The following NPHS2 variants were observed in gnomAD, a reference collection of about 807,000 sequenced individuals.
The protein encoded by NPHS2 is NPHS2 stomatin family member, podocin.
NPHS2 carries 36 observed loss-of-function variants against 37.1 expected under a neutral mutation model. The observed-to-expected ratio is 0.97, with a 90% CI of 0.74 to 1.28. NPHS2 has a LOEUF of 1.28. Among genes scored for constraint, NPHS2 ranks in the 50% most tolerant of loss-of-function variants. NPHS2 has a pLI of 0.00. For synonymous variants in NPHS2, 196 were observed against 189.3 expected (o/e 1.04, Z -0.29); for missense variants, 447 against 488.1 (o/e 0.92, Z 0.79).
At position 179,557,143 on chromosome 1, in the gene NPHS2, C is replaced by T. The variant is rs200587413; in HGVS notation, c.622G>A (p.Ala208Thr). The change falls in exon 5 of 8, where the codon GCT becomes ACT. Residue 208 changes from alanine (A) to threonine (T), a missense_variant. Coordinates refer to ENST00000367615, the MANE Select transcript of NPHS2 (RefSeq NM_014625.4). ...AATTGCACAGCTTTAGATACATGAG[C>T]AAGACTGCTTAGGAGAAGAGAGGCA... The part of the protein sequence containing the change: ...ENASLLLSSL[A>T]HVSKAVQFLV... 40 of 1,613,938 alleles carry T rather than the reference C, an allele frequency of 2.5e-5. No individual in the cohort carries two copies. Among genetic ancestry groups the T allele is most frequent in the Middle Eastern group, 3.3e-4 (2 of 6,084 alleles).
chr1:179,557,058 A>G lies in NPHS2; in HGVS notation c.707T>C (p.Leu236Pro), dbSNP rs200103404. 2.5e-6 allele frequency: 4 copies of G among 1,613,924 alleles called. No individual in the cohort carries two copies. In the East Asian group the frequency reaches 6.7e-5, roughly 27 times the overall value. ...LAHRSLTEIL[L>P]ERKSIAQDAK... ...ATCTTGGGCGATGCTCTTCCTCTCT[A>G]GAAGAATTTCAGTGAGGGATCGATG... Residue 236 changes from leucine to proline, a missense_variant, in exon 5 of 8, where the codon CTA becomes CCA. Coordinates refer to ENST00000367615, the MANE Select transcript of NPHS2 (RefSeq NM_014625.4).
intron 1 of NPHS2, among the ~76,000 whole-genome samples, chr1:179,574,865 CCTTTCT>C (rs1394934283): frequency 6.6e-6 from 1 of 152,222 alleles, no homozygotes; most frequent in Non-Finnish European, 1.5e-5. Context: ...AAAAGAGACA[CCTTTCT>C]TTGCATTCCC....
intron 3 of NPHS2, among the ~76,000 whole-genome samples, chr1:179,560,647 G>A (rs1253809885): frequency 3.9e-5 from 6 of 151,962 alleles, no homozygotes; most frequent in Non-Finnish European, 8.8e-5. Flanking sequence ...ATATACACAT[G>A]GGACTTTGCT....
Position 179,575,918 on chromosome 1 carries a change from G to A in NPHS2, c.-54C>T. ...CAGCGCGGGAGCGCTAGGGGCACGG[G>A]AGCGCAGTCCCTGTGGAGTCGCTGC... On this transcript the variant is annotated 5_prime_UTR_variant, in exon 1 of 8. Transcript: ENST00000367615. 1 of 1,351,178 alleles carries A rather than the reference G, an allele frequency of 7.4e-7. No individual in the cohort carries two copies. Among genetic ancestry groups the A allele is most frequent in the Non-Finnish European group, 9.5e-7 (1 of 1,058,174 alleles). The allele number at this position is 1,351,178 out of a possible 1,614,324, so 83.7% of individuals were successfully genotyped here. A position where few individuals can be genotyped will look rare whatever the true frequency, so the allele number is the denominator to read the frequency against.
At position 179,575,847 on chromosome 1, in the gene NPHS2, C is replaced by A; in HGVS notation, c.18G>T (p.Arg6=). ...GCCCGCGGGACTCCCTGGAGGAGCT[C>A]CGCGCCCTCCTCTCCATCCTCAGAG... MERRA[R]SSSRESRGRG... Residue 6 remains arginine (R), a synonymous_variant, in exon 1 of 8, where the codon CGG becomes CGT. Transcript: ENST00000367615. 7.0e-7 allele frequency: 1 copy of A among 1,427,470 alleles called. No individual in the cohort carries two copies. The highest frequency in any genetic ancestry group is 2.7e-5 in the East Asian group (1 of 36,932). The allele number at this position is 1,427,470 out of a possible 1,614,324, so 88.4% of individuals were successfully genotyped here. A position where few individuals can be genotyped will look rare whatever the true frequency, so the allele number is the denominator to read the frequency against.
intron 4 of NPHS2, among the ~76,000 whole-genome samples, chr1:179,558,849 C>A (rs544160330): frequency 9.9e-5 from 15 of 152,134 alleles, no homozygotes; most frequent in Non-Finnish European, 2.1e-4. Flanking sequence ...TGCTGAGCAT[C>A]TTTTCATATG....
At chr1:179,553,258 T>C (rs781217147) in intron 6 of NPHS2, among the ~76,000 whole-genome samples, 9 of 152,214 alleles carry the variant, frequency 5.9e-5, no homozygotes, top group Non-Finnish European at 1.2e-4. Flanking sequence ...TACTTCTAGA[T>C]ACAGACCCAA....
intron 1 of NPHS2, 33 bp from the exon 2 acceptor site, chr1:179,564,826 T>C: frequency 1.3e-6 from 2 of 1,542,596 alleles, no homozygotes; most frequent in Non-Finnish European, 1.8e-6. Context: ...AATAATTATA[T>C]TGAAACTTCA....
At chr1:179,558,735 C>T (rs1469259595) in intron 4 of NPHS2, among the ~76,000 whole-genome samples, 3 of 152,160 alleles carry the variant, frequency 2.0e-5, no homozygotes, top group African/African-American at 7.2e-5. Flanking sequence ...TCTACATCCT[C>T]TTCAACACTT....
chr1:179,562,986 G>A (rs73035925), intron 2 of NPHS2, among the ~76,000 whole-genome samples: 18,271 of 152,164 alleles, frequency 0.12, 1,291 homozygotes, highest in African/African-American at 0.17. Flanking sequence ...AAAAACCATG[G>A]CTGAGTCAGT....
intron 5 of NPHS2, among the ~76,000 whole-genome samples, chr1:179,555,820 A>G (rs1259961999): frequency 1.3e-5 from 2 of 152,148 alleles, no homozygotes; most frequent in East Asian, 3.9e-4. Flanking sequence ...TCATTTATTT[A>G]TTTATCCAAA....
rs1320112770 is a variant in NPHS2, at chr1:179,552,609, T to C, written c.867A>G (p.Lys289=). 1 of 1,613,516 alleles carries C rather than the reference T, an allele frequency of 6.2e-7. No individual in the cohort carries two copies. Among genetic ancestry groups the C allele is most frequent in the African/African-American group, 1.3e-5 (1 of 74,924 alleles). ...AVEAEAQRQA[K]VRMIAAEAEK... is the part of the protein sequence containing the mutation. ...GGGAGGATGGAGTGCTCACCCGCAC[T>C]TTGGCTTGTCTTTGCGCTTCAGCCT... The change falls in exon 7 of 8, where the codon AAA becomes AAG. Residue 289 remains lysine, a synonymous_variant. Transcript: ENST00000367615.
rs759492815 is a variant in NPHS2, at chr1:179,575,646, G to T, written c.219C>A (p.Ser73=). 1.2e-6 allele frequency: 2 copies of T among 1,603,622 alleles called. No homozygotes were observed. Among genetic ancestry groups the T allele is most frequent in the South Asian group, 2.2e-5 (2 of 90,980 alleles). Residue 73 remains serine, a synonymous_variant, in exon 1 of 8, where the codon TCC becomes TCA. Coordinates refer to ENST00000367615, the MANE Select transcript of NPHS2 (RefSeq NM_014625.4). ...TVVDVDEVRG[S]GEEGTEVVAL... is the part of the protein sequence containing the mutation. ...CCACCACCTCGGTGCCCTCCTCGCC[G>T]GAGCCTCGGACCTCATCCACGTCCA...
In NPHS2 at chr1:179,550,956, T is replaced by A. The variant is rs974595925; in HGVS notation, c.*217A>T. 2 of 601,344 alleles carry A rather than the reference T, an allele frequency of 3.3e-6. No homozygotes were observed. The highest frequency in any genetic ancestry group is 4.0e-5 in the South Asian group (2 of 50,444). The allele number at this position is 601,344 out of a possible 1,614,324, so 37.3% of individuals were successfully genotyped here. Reference sequence around the variant, plus strand: ...GACCAAAGCTGTTTCCCATAATTGCTCTGACTAGATGAGTCACGGAAACAT... The same window carrying A: ...GACCAAAGCTGTTTCCCATAATTGCACTGACTAGATGAGTCACGGAAACAT... On this transcript the variant is annotated 3_prime_UTR_variant, in exon 8 of 8. Coordinates refer to ENST00000367615, the MANE Select transcript of NPHS2 (RefSeq NM_014625.4).
At chr1:179,554,450 T>G (rs1673776450) in intron 6 of NPHS2, 26 bp downstream of exon 6, 1 of 1,613,854 alleles carries the variant, frequency 6.2e-7, no homozygotes, top group African/African-American at 1.3e-5. Context: ...TATCATACAG[T>G]TCTTGCTAGT....
intron 5 of NPHS2, 28 bp from the exon 6 acceptor site, chr1:179,554,559 T>C: frequency 6.2e-7 from 1 of 1,614,124 alleles, no homozygotes; most frequent in Non-Finnish European, 8.5e-7. Flanking sequence ...CAGATGTCAG[T>C]GGGAGCCTCC....
intron 1 of NPHS2, among the ~76,000 whole-genome samples, chr1:179,572,306 A>T (rs67908894): frequency 0.11 from 16,815 of 152,228 alleles, 1,405 homozygotes; most frequent in African/African-American, 0.23. Context: ...CCATCATTTT[A>T]ACACCTCCAT....
chr1:179,566,081 C>T (rs146418902), intron 1 of NPHS2, among the ~76,000 whole-genome samples: 36,016 of 151,368 alleles, frequency 0.24, 4,513 homozygotes, highest in East Asian at 0.36. Context: ...GGGTATATAC[C>T]CAGTAATGGG....
At chr1:179,554,604 C>T in intron 5 of NPHS2, 73 bp from the exon 6 acceptor site, 1 of 1,596,124 alleles carries the variant, frequency 6.3e-7, no homozygotes, top group Non-Finnish European at 8.6e-7. Context: ...CCCTGGTGGC[C>T]ATTGTTCTGT....
Sources: allele counts gnomAD v4.1 joint callset (sites outside exome capture counted in the v4.1 genomes callset), GRCh38; gene constraint gnomAD v4.1.1; transcripts MANE v1.5; gene names NCBI Gene and HGNC (gene_info 2026-07-23, HGNC 2026-07-21).